Variants in TMEM132D observed in about 807,000 individuals in gnomAD.
The protein encoded by TMEM132D is mature OL transmembrane protein.
A neutral mutation model predicts 62.3 loss-of-function variants in TMEM132D; 21 were observed. That is an observed-to-expected ratio of 0.34 (90% CI 0.24 to 0.49). TMEM132D has a LOEUF of 0.49. TMEM132D is among the 20% of genes least tolerant of loss of function. The pLI is 0.99. For synonymous variants in TMEM132D, 621 were observed against 575.6 expected (o/e 1.08, Z -1.13); for missense variants, 1,346 against 1,402.8 (o/e 0.96, Z 0.65).
rs1880648286 is a variant in TMEM132D, at chr12:129,677,030, G to A, written c.968+22780C>T. Among the ~76,000 whole-genome samples, 5 of 152,298 alleles carry A rather than the reference G, an allele frequency of 3.3e-5. No homozygotes were observed. In the South Asian group the frequency reaches 1.0e-3, roughly 32 times the overall value. On this transcript the variant is annotated intron_variant, in intron 2 of 8. Transcript: ENST00000422113. ...ATTCTGTGAATAGTATCATGTGAAT[G>A]TACATAACCGAAGTCCCTTTATGGA...
At chr12:129,075,492 G>A (rs1047758831) in intron 8 of TMEM132D, among the ~76,000 whole-genome samples, 3 of 152,172 alleles carry the variant, frequency 2.0e-5, no homozygotes, top group African/African-American at 7.2e-5. Flanking sequence ...TTATTTTTAA[G>A]TTGTAATACT....
At chr12:129,607,394 A>G (rs1878656057) in intron 2 of TMEM132D, among the ~76,000 whole-genome samples, 1 of 152,146 alleles carries the variant, frequency 6.6e-6, no homozygotes, top group Non-Finnish European at 1.5e-5. Context: ...TGGCATGCAG[A>G]ATTCCTACGA....
At chr12:129,297,313 C>T (rs114971982) in intron 4 of TMEM132D, among the ~76,000 whole-genome samples, 326 of 152,314 alleles carry the variant, frequency 2.1e-3, no homozygotes, top group African/African-American at 7.2e-3. Flanking sequence ...CAGGCCTTCC[C>T]GAGTGATTTT....
intron 2 of TMEM132D, among the ~76,000 whole-genome samples, chr12:129,587,554 A>T (rs1489570164): frequency 6.6e-6 from 1 of 152,014 alleles, no homozygotes; most frequent in African/African-American, 2.4e-5. Flanking sequence ...TAAAAAAAAA[A>T]CTCGCTCCAG....
chr12:129,717,126 C>T (rs149128533), intron 1 of TMEM132D, among the ~76,000 whole-genome samples: 12 of 152,198 alleles, frequency 7.9e-5, no homozygotes, highest in East Asian at 3.8e-4. Context: ...CAGCACAAAG[C>T]GCACTTGAGG....
chr12:129,165,037 G>A (rs909800499), intron 5 of TMEM132D, among the ~76,000 whole-genome samples: 4 of 151,946 alleles, frequency 2.6e-5, no homozygotes, highest in African/African-American at 9.7e-5. Context: ...TTACTCTGCA[G>A]CAAAAAGGAA....
chr12:129,184,545 C>A (rs1224180432), intron 5 of TMEM132D, among the ~76,000 whole-genome samples: 1 of 152,152 alleles, frequency 6.6e-6, no homozygotes, highest in Admixed American at 6.5e-5. Context: ...CCCAGAAGGG[C>A]TGGGGTGGTG....
At chr12:129,647,046 T>G (rs573065470) in intron 2 of TMEM132D, among the ~76,000 whole-genome samples, 147 of 151,912 alleles carry the variant, frequency 9.7e-4, no homozygotes, top group Non-Finnish European at 1.6e-3. Context: ...GTGATCCACC[T>G]GCCTCGGCCT....
chr12:129,302,981 C>A (rs1881759581), intron 4 of TMEM132D, among the ~76,000 whole-genome samples: 1 of 152,168 alleles, frequency 6.6e-6, no homozygotes, highest in Non-Finnish European at 1.5e-5. Flanking sequence ...GCAGAAGAAC[C>A]AAGGAGTAGA....
chr12:129,715,042 T>A (rs1868522823), intron 1 of TMEM132D, among the ~76,000 whole-genome samples: 1 of 152,224 alleles, frequency 6.6e-6, no homozygotes, highest in Admixed American at 6.5e-5. Flanking sequence ...AGTAGAGTGT[T>A]ACATCTCATA....
At chr12:129,712,059 C>T (rs1297530997) in intron 1 of TMEM132D, among the ~76,000 whole-genome samples, 1 of 151,938 alleles carries the variant, frequency 6.6e-6, no homozygotes, top group Non-Finnish European at 1.5e-5. Context: ...TGGCAGGGCT[C>T]TGTGGCAGGA....
chr12:129,735,372 G>A (rs1001417600), intron 1 of TMEM132D, among the ~76,000 whole-genome samples: 2 of 152,144 alleles, frequency 1.3e-5, no homozygotes, highest in African/African-American at 2.4e-5. Context: ...ATATATAATT[G>A]TTGAATAAAG....
At chr12:129,606,220 T>C (rs570830268) in intron 2 of TMEM132D, among the ~76,000 whole-genome samples, 22 of 152,252 alleles carry the variant, frequency 1.4e-4, no homozygotes, top group African/African-American at 5.3e-4. Context: ...GGAAATGTCA[T>C]TTTAGTTTCC....
chr12:129,486,838 A>G (rs539589341), intron 3 of TMEM132D, among the ~76,000 whole-genome samples: 4 of 151,738 alleles, frequency 2.6e-5, no homozygotes, highest in Non-Finnish European at 5.9e-5. Flanking sequence ...GCACCTAGCT[A>G]TGTGGCAGGT....
chr12:129,077,873 A>C (rs1455300648), intron 8 of TMEM132D, among the ~76,000 whole-genome samples: 1 of 141,492 alleles, frequency 7.1e-6, no homozygotes, highest in Admixed American at 7.1e-5. Flanking sequence ...ACACACATGC[A>C]TACACAGACA....
At chr12:129,315,291 G>A (rs530506581) in intron 4 of TMEM132D, among the ~76,000 whole-genome samples, 119 of 152,190 alleles carry the variant, frequency 7.8e-4, no homozygotes, top group African/African-American at 2.8e-3. Flanking sequence ...TGTCATAGAT[G>A]GCTTTTATTA....
chr12:129,366,020 G>C (rs1870400756), intron 3 of TMEM132D, among the ~76,000 whole-genome samples: 1 of 151,632 alleles, frequency 6.6e-6, no homozygotes, highest in African/African-American at 2.4e-5. Flanking sequence ...CTCAGGGCTT[G>C]ATGTACTCAT....
chr12:129,202,199 A>G (rs1401375762), intron 5 of TMEM132D, among the ~76,000 whole-genome samples: 1 of 152,214 alleles, frequency 6.6e-6, no homozygotes, highest in African/African-American at 2.4e-5. Flanking sequence ...AAATAAAAAT[A>G]AAAAGACTGG....
chr12:129,901,002 TC>T (rs1875335306), intron 1 of TMEM132D, among the ~76,000 whole-genome samples: 1 of 152,248 alleles, frequency 6.6e-6, no homozygotes, highest in African/African-American at 2.4e-5. Context: ...CGTGTAAGGC[TC>T]AAGCATATTA....
Sources: gnomAD v4.1 joint callset for allele counts (sites outside exome capture counted in the v4.1 genomes callset) on GRCh38, gnomAD v4.1.1 for gene constraint, MANE v1.5 for transcripts, NCBI Gene and HGNC (gene_info 2026-07-23, HGNC 2026-07-21) for gene names.